The following SKAP1 variants were observed in gnomAD, a reference collection of about 807,000 sequenced individuals.
SKAP1 encodes src kinase-associated phosphoprotein 1.
Under a neutral mutation model 58.5 loss-of-function variants are expected in SKAP1, and 44 were observed. The ratio of observed to expected loss-of-function variants is 0.75; its 90% CI spans 0.59 to 0.97. The LOEUF is 0.97. Ranked by LOEUF, SKAP1 falls within the 50% of genes least tolerant of loss-of-function variation. The probability of loss-of-function intolerance (pLI) is 0.00; values close to 1 mark genes in which losing one functional copy is unlikely to be tolerated. For synonymous variants in SKAP1, 127 were observed against 149.7 expected (o/e 0.85, Z 1.11); for missense variants, 390 against 435.2 (o/e 0.90, Z 0.92).
At chr17:48,186,542 G>C (rs1170985617) in intron 6 of SKAP1, among the ~76,000 whole-genome samples, 5 of 152,002 alleles carry the variant, frequency 3.3e-5, no homozygotes, top group African/African-American at 1.2e-4. Context: ...GTGGAGTGCA[G>C]TGGCGTGATC....
intron 2 of SKAP1, among the ~76,000 whole-genome samples, chr17:48,374,492 A>G (rs1235498070): frequency 1.3e-5 from 2 of 152,176 alleles, no homozygotes; most frequent in Non-Finnish European, 2.9e-5. Context: ...AACACTGAAG[A>G]GTTATCCTGC....
At chr17:48,350,140 C>CA (rs1184946663) in intron 3 of SKAP1, among the ~76,000 whole-genome samples, 1 of 151,608 alleles carries the variant, frequency 6.6e-6, no homozygotes, top group African/African-American at 2.4e-5. Flanking sequence ...TATTTTGAGA[C>CA]AAAAACAGGC....
At chr17:48,169,006 A>C (rs2064176457) in intron 10 of SKAP1, among the ~76,000 whole-genome samples, 1 of 152,214 alleles carries the variant, frequency 6.6e-6, no homozygotes, top group South Asian at 2.1e-4. Flanking sequence ...CTAAGTCACC[A>C]ATCATTATAA....
chr17:48,437,085 T>G, the SKAP1 span, among the ~76,000 whole-genome samples: 1 of 152,240 alleles, frequency 6.6e-6, no homozygotes, highest in Non-Finnish European at 1.5e-5. Context: ...CTTTGTTCTC[T>G]GAGTCTCTAG....
intron 4 of SKAP1, among the ~76,000 whole-genome samples, chr17:48,334,926 A>T (rs1417414031): frequency 1.3e-5 from 2 of 151,870 alleles, no homozygotes; most frequent in East Asian, 1.9e-4. Flanking sequence ...TTCCTTATTT[A>T]AAAAAATAAT....
chr17:48,350,286 GA>G lies in SKAP1; in HGVS notation c.179-4281del, dbSNP rs145887545. 3.0e-3 allele frequency among the ~76,000 whole-genome samples: 461 copies of G among 152,126 alleles called. 9 individuals are homozygous for G. The East Asian group carries it at 0.032, about 11-fold the overall frequency. On this transcript the variant is annotated intron_variant, in intron 3 of 12. Coordinates refer to ENST00000336915, the MANE Select transcript of SKAP1 (RefSeq NM_003726.4). Reference sequence around the variant, plus strand: ...TTGCTTATTCAATATGTAAAGTCTCGATTTTTTTTGTTAGTCTACATCATCG... The same window carrying G: ...TTGCTTATTCAATATGTAAAGTCTCGTTTTTTTTGTTAGTCTACATCATCG...
chr17:48,324,289 T>G (rs1246730308), intron 4 of SKAP1, among the ~76,000 whole-genome samples: 1 of 152,136 alleles, frequency 6.6e-6, no homozygotes, highest in Non-Finnish European at 1.5e-5. Context: ...ACATGATTTT[T>G]AATGGCTGCA....
chr17:48,291,632 A>G (rs1415401708), intron 4 of SKAP1, among the ~76,000 whole-genome samples: 2 of 152,226 alleles, frequency 1.3e-5, no homozygotes, highest in African/African-American at 4.8e-5. Context: ...CTGGCTCTAT[A>G]GATATAATAA....
chr17:48,205,005 C>CT (rs1283094935), intron 4 of SKAP1, among the ~76,000 whole-genome samples: 3 of 37,966 alleles, frequency 7.9e-5, no homozygotes, highest in Admixed American at 3.3e-4. Context: ...TTCTTTCTTT[C>CT]TTTCTTTCTT....
chr17:48,230,841 GGAATA>G (rs2065118795), intron 4 of SKAP1, among the ~76,000 whole-genome samples: 2 of 152,090 alleles, frequency 1.3e-5, no homozygotes, highest in South Asian at 2.1e-4. Context: ...GTAATGAAAT[GGAATA>G]GAATAGAGGC....
intron 11 of SKAP1, among the ~76,000 whole-genome samples, chr17:48,142,981 CTTTT>C: frequency 7.5e-6 from 1 of 133,020 alleles, no homozygotes; most frequent in South Asian, 2.4e-4. Context: ...AAAAAAAAAA[CTTTT>C]TTTTTTTTTT....
chr17:48,330,766 G>A (rs2066495061), intron 4 of SKAP1, among the ~76,000 whole-genome samples: 1 of 152,058 alleles, frequency 6.6e-6, no homozygotes, highest in African/African-American at 2.4e-5. Flanking sequence ...TATCTTTGGG[G>A]GTGTGGGTGA....
chr17:48,324,390 G>C (rs2066405389), intron 4 of SKAP1, among the ~76,000 whole-genome samples: 1 of 151,928 alleles, frequency 6.6e-6, no homozygotes, highest in Admixed American at 6.6e-5. Flanking sequence ...TGATGTTCCA[G>C]GAACTATATT....
At chr17:48,256,504 G>A (rs1055190558) in intron 4 of SKAP1, among the ~76,000 whole-genome samples, 1 of 152,070 alleles carries the variant, frequency 6.6e-6, no homozygotes, top group African/African-American at 2.4e-5. Context: ...GTGGCATCAC[G>A]GAGTCACACT....
chr17:48,327,468 T>A (rs2066453991), intron 4 of SKAP1, among the ~76,000 whole-genome samples: 1 of 152,178 alleles, frequency 6.6e-6, no homozygotes, highest in Non-Finnish European at 1.5e-5. Context: ...TTTGAAAAAA[T>A]TCTTGCCCAT....
chr17:48,275,221 C>T (rs1179718292), intron 4 of SKAP1, among the ~76,000 whole-genome samples: 5 of 152,132 alleles, frequency 3.3e-5, no homozygotes, highest in Admixed American at 1.3e-4. Flanking sequence ...TTTGTCCTTT[C>T]GAATGTACCC....
intron 10 of SKAP1, among the ~76,000 whole-genome samples, chr17:48,166,373 C>A (rs1297266559): frequency 2.6e-5 from 4 of 152,204 alleles, no homozygotes; most frequent in Non-Finnish European, 5.9e-5. Context: ...ACAGTCATTT[C>A]TCTTGTAACT....
chr17:48,185,118 C>T (rs1036659697), intron 6 of SKAP1: 4 of 344,466 alleles, frequency 1.2e-5, no homozygotes, highest in African/African-American at 8.6e-5. Context: ...GTTAAGAGAT[C>T]TATAACAACA....
intron 4 of SKAP1, among the ~76,000 whole-genome samples, chr17:48,317,733 T>C (rs1489537662): frequency 6.6e-6 from 1 of 152,182 alleles, no homozygotes. Context: ...AAGAATCTAG[T>C]TGAGTTTTTC....
Sources: allele counts gnomAD v4.1 joint callset (sites outside exome capture counted in the v4.1 genomes callset), GRCh38; gene constraint gnomAD v4.1.1; transcripts MANE v1.5; gene names NCBI Gene and HGNC (gene_info 2026-07-23, HGNC 2026-07-21).